GCSAML: variants seen among roughly 807,000 people sequenced by gnomAD.
GCSAML encodes the protein germinal center-associated signaling and motility-like protein.
A neutral mutation model predicts 13.0 loss-of-function variants in GCSAML; 9 were observed. That is an observed-to-expected ratio of 0.69 (90% CI 0.42 to 1.21). GCSAML has a LOEUF of 1.21. Ranked by LOEUF, GCSAML falls within the 50% of genes most tolerant of loss-of-function variation. GCSAML has a pLI of 0.00. For missense variants in GCSAML, 143 were observed against 153.4 expected, an observed-to-expected ratio of 0.93 and a Z score of 0.36; for synonymous variants, 37 against 52.9, an observed-to-expected ratio of 0.70 and a Z score of 1.31.
At chr1:247,562,010 A>G (rs531980271) in intron 2 of GCSAML, among the ~76,000 whole-genome samples, 208 of 152,316 alleles carry the variant, frequency 1.4e-3, no homozygotes, top group African/African-American at 4.9e-3. Context: ...AATGGCTTAC[A>G]ATCAAGGGTT....
At chr1:247,565,832 T>C in intron 3 of GCSAML, 99 bp from the exon 4 acceptor site, 1 of 933,314 alleles carries the variant, frequency 1.1e-6, no homozygotes, top group Non-Finnish European at 1.6e-6. Flanking sequence ...TTATGACTTC[T>C]ACATTCTGTT....
intron 3 of GCSAML, 113 bp downstream of exon 3, chr1:247,563,752 G>A (rs1360183646): frequency 4.8e-5 from 25 of 521,360 alleles, no homozygotes; most frequent in Admixed American, 7.3e-5. Flanking sequence ...AGGCTGCTTG[G>A]AGTTCTTACT....
At chr1:247,540,816 C>T (rs1301117618) in intron 2 of GCSAML, among the ~76,000 whole-genome samples, 3 of 152,160 alleles carry the variant, frequency 2.0e-5, no homozygotes, top group Non-Finnish European at 4.4e-5. Flanking sequence ...TTTCAATTCA[C>T]GTAGAATACA....
chr1:247,550,484 A>G (rs1667731577), intron 1 of GCSAML, among the ~76,000 whole-genome samples: 2 of 151,950 alleles, frequency 1.3e-5, no homozygotes, highest in African/African-American at 4.8e-5. Flanking sequence ...AAAAATACAA[A>G]CAATTAGCCG....
At chr1:247,532,604 A>G in intron 2 of GCSAML, 2 of 1,181,236 alleles carry the variant, frequency 1.7e-6, no homozygotes, top group East Asian at 4.7e-5. Context: ...GTTAGCAAAC[A>G]TTAAAAGTGT....
intron 4 of GCSAML, among the ~76,000 whole-genome samples, chr1:247,572,464 T>G (rs1668652774): frequency 6.6e-6 from 1 of 152,212 alleles, no homozygotes; most frequent in Non-Finnish European, 1.5e-5. Flanking sequence ...AGGCCCGTAT[T>G]CTGCAGGTCT....
intron 1 of GCSAML, among the ~76,000 whole-genome samples, chr1:247,522,945 A>G (rs1666510775): frequency 6.6e-6 from 1 of 150,378 alleles, no homozygotes. Context: ...ACCATAACGT[A>G]TAACTTTTAA....
upstream of GCSAML, among the ~76,000 whole-genome samples, chr1:247,546,997 G>A (rs980291991): frequency 1.3e-5 from 2 of 151,804 alleles, no homozygotes; most frequent in Non-Finnish European, 2.9e-5. Flanking sequence ...CAGCTACTTG[G>A]GGGATGAGGA....
In GCSAML at chr1:247,529,718, G is replaced by GT. The variant is rs57236564; in HGVS notation, c.-148+2691dup. ...CAAGCCTCGGTGTTACTGTGAAGGT[G>GT]TTTTTTTTTTTTTTTTTTTTTTTTT... On this transcript the variant is annotated intron_variant, in intron 2 of 5. Coordinates refer to the GCSAML transcript ENST00000366489. 423 of 108,266 alleles carry GT rather than the reference G, an allele frequency of 3.9e-3. 16 individuals are homozygous for GT. Among genetic ancestry groups the GT allele is most frequent in the African/African-American group, 0.015 (407 of 27,462 alleles). 6.7% of individuals were successfully genotyped at this position (108,266 alleles called of 1,614,324 possible).
chr1:247,539,124 G>T (rs1483376127), intron 2 of GCSAML, among the ~76,000 whole-genome samples: 1 of 152,180 alleles, frequency 6.6e-6, no homozygotes, highest in East Asian at 1.9e-4. Flanking sequence ...CAGGAGAACA[G>T]GTCTCAAATC....
At chr1:247,532,125 C>G (rs34220133) in intron 2 of GCSAML, 235,184 of 1,613,824 alleles carry the variant, frequency 0.15, 18,747 homozygotes, top group South Asian at 0.16. Context: ...AATGGAGTGG[C>G]CTGCAGATGG....
At chr1:247,560,131 C>G (rs1668074218) in intron 2 of GCSAML, among the ~76,000 whole-genome samples, 1 of 152,178 alleles carries the variant, frequency 6.6e-6, no homozygotes, top group Non-Finnish European at 1.5e-5. Context: ...AGTGGACAAG[C>G]AGTAGGTGCT....
chr1:247,556,879 C>G (rs920465884), intron 2 of GCSAML, among the ~76,000 whole-genome samples: 1 of 152,112 alleles, frequency 6.6e-6, no homozygotes, highest in African/African-American at 2.4e-5. Flanking sequence ...AAAATGCAAA[C>G]TCTTCACCAG....
chr1:247,532,765 A>G (rs1264199666), intron 2 of GCSAML, among the ~76,000 whole-genome samples: 2 of 152,102 alleles, frequency 1.3e-5, no homozygotes, highest in African/African-American at 4.8e-5. Flanking sequence ...GTCTGGCTAA[A>G]AGTACATTTT....
intron 1 of GCSAML, among the ~76,000 whole-genome samples, chr1:247,551,737 A>G (rs1667784600): frequency 6.6e-6 from 1 of 152,232 alleles, no homozygotes; most frequent in African/African-American, 2.4e-5. Context: ...AGACCCAAAG[A>G]TGCAAAGGAA....
chr1:247,512,656 T>C (rs888631783), intron 1 of GCSAML, among the ~76,000 whole-genome samples: 2 of 152,160 alleles, frequency 1.3e-5, no homozygotes, highest in African/African-American at 2.4e-5. Context: ...TTTACCTACC[T>C]TTGGTCTTTG....
intron 1 of GCSAML, among the ~76,000 whole-genome samples, chr1:247,553,304 A>AT (rs956392872): frequency 6.6e-6 from 1 of 151,050 alleles, no homozygotes; most frequent in Non-Finnish European, 1.5e-5. Context: ...TGAATTTCTC[A>AT]TTTTTTTTCA....
chr1:247,539,361 T>G (rs751385448), intron 2 of GCSAML, among the ~76,000 whole-genome samples: 2 of 152,134 alleles, frequency 1.3e-5, no homozygotes, highest in Non-Finnish European at 2.9e-5. Flanking sequence ...GGTCACCCAT[T>G]GGATATTCAC....
chr1:247,523,981 A>T (rs1666549926), intron 1 of GCSAML, among the ~76,000 whole-genome samples: 1 of 139,492 alleles, frequency 7.2e-6, no homozygotes, highest in African/African-American at 2.7e-5. Flanking sequence ...GAACATTTGG[A>T]AAACAACATC....
Sources: allele counts gnomAD v4.1 joint callset (sites outside exome capture counted in the v4.1 genomes callset), GRCh38; gene constraint gnomAD v4.1.1; transcripts MANE v1.5; gene names NCBI Gene and HGNC (gene_info 2026-07-23, HGNC 2026-07-21).